ENPEP: variants seen among roughly 807,000 people sequenced by gnomAD.
ENPEP encodes AP-A.
In ENPEP, 103 loss-of-function variants were observed where a neutral mutation model predicts 114.5. That is an observed-to-expected ratio of 0.90 (90% CI 0.77 to 1.06). The LOEUF is 1.06. Among genes scored for constraint, ENPEP ranks in the 50% least tolerant of loss-of-function variants. ENPEP has a pLI of 0.00. For missense variants in ENPEP, 1,196 were observed against 1,161.3 expected (o/e 1.03, Z -0.43); for synonymous variants, 420 against 422.0 (o/e 1.00, Z 0.06).
At chr4:110,538,167 G>A (rs1030811951) in intron 11 of ENPEP, among the ~76,000 whole-genome samples, 4 of 152,158 alleles carry the variant, frequency 2.6e-5, no homozygotes, top group African/African-American at 9.6e-5. Context: ...AAGATTTAAA[G>A]CCAGGCATTG....
At chr4:110,477,443 T>C (rs1211587551) in intron 1 of ENPEP, among the ~76,000 whole-genome samples, 2 of 152,234 alleles carry the variant, frequency 1.3e-5, no homozygotes, top group Non-Finnish European at 2.9e-5. Context: ...GCAATATATA[T>C]GAACTTTTAA....
chr4:110,553,508 G>C (rs1381059018), intron 18 of ENPEP, 53 bp downstream of exon 18: 31 of 1,508,540 alleles, frequency 2.1e-5, no homozygotes, highest in Non-Finnish European at 2.6e-5. Context: ...ACTATCTACT[G>C]GTTCCTTCAT....
intron 11 of ENPEP, among the ~76,000 whole-genome samples, chr4:110,534,793 G>A (rs892444799): frequency 6.6e-6 from 1 of 151,482 alleles, no homozygotes; most frequent in Non-Finnish European, 1.5e-5. Flanking sequence ...ATAGGCATGA[G>A]CCACCGCGCC....
intron 18 of ENPEP, among the ~76,000 whole-genome samples, chr4:110,558,671 GGTT>G (rs1727576105): frequency 1.3e-5 from 2 of 152,054 alleles, no homozygotes; most frequent in Non-Finnish European, 2.9e-5. Context: ...ACATTCCAGG[GGTT>G]TAAGGTTTAT....
rs1375921819 is a variant in ENPEP at position 110,548,272 on chromosome 4, A to G, written c.2097A>G (p.Val699=). 1 of 1,606,120 alleles carries G rather than the reference A, an allele frequency of 6.2e-7. No individual in the cohort carries two copies. The highest frequency in any genetic ancestry group is 1.7e-5 in the Admixed American group (1 of 58,676). The part of the protein sequence containing the change: ...FLPWQRVISA[V]TYIISMFEDD... The stretch of plus-strand genomic sequence containing the variant: ...CATGGCAGAGAGTAATTTCAGCTGT[A>G]ACCTACATCATTAGCATGTTTGAAG... The change falls in exon 14 of 20, where the codon GTA becomes GTG. Residue 699 remains valine (V), a synonymous_variant. Coordinates refer to ENST00000265162, the MANE Select transcript of ENPEP (RefSeq NM_001977.4).
At chr4:110,488,909 AGACAAT>A (rs1290294124) in intron 2 of ENPEP, among the ~76,000 whole-genome samples, 1 of 152,208 alleles carries the variant, frequency 6.6e-6, no homozygotes, top group Non-Finnish European at 1.5e-5. Flanking sequence ...TCTGTGCAAG[AGACAAT>A]GCCATAGACA....
At chr4:110,560,082 T>C (rs1199718753) in intron 19 of ENPEP, among the ~76,000 whole-genome samples, 1 of 152,242 alleles carries the variant, frequency 6.6e-6, no homozygotes, top group Non-Finnish European at 1.5e-5. Flanking sequence ...CTGAGAATGA[T>C]GGTTTCCAGC....
intron 10 of ENPEP, among the ~76,000 whole-genome samples, chr4:110,527,432 G>A (rs1039009886): frequency 6.6e-6 from 1 of 152,096 alleles, no homozygotes; most frequent in African/African-American, 2.4e-5. Flanking sequence ...AGACCAATAT[G>A]AGGTCCCTTC....
chr4:110,559,550 T>C, intron 18 of ENPEP, 97 bp from the exon 19 acceptor site: 1 of 885,680 alleles, frequency 1.1e-6, no homozygotes, highest in Non-Finnish European at 1.8e-6. Flanking sequence ...AAAGTTACTT[T>C]TAAAAACTAT....
intron 17 of ENPEP, among the ~76,000 whole-genome samples, chr4:110,550,139 C>T (rs1727232479): frequency 1.3e-5 from 2 of 152,066 alleles, no homozygotes; most frequent in African/African-American, 4.8e-5. Context: ...ACCCAGGACC[C>T]AGGCTCTTCT....
chr4:110,501,748 T>C (rs1179711241), intron 3 of ENPEP, among the ~76,000 whole-genome samples: 1 of 152,220 alleles, frequency 6.6e-6, no homozygotes, highest in Non-Finnish European at 1.5e-5. Flanking sequence ...GATGAACGTA[T>C]GGAGGCCTGT....
chr4:110,544,925 A>ATGTAGGATC (rs1726997077), intron 13 of ENPEP, among the ~76,000 whole-genome samples: 2 of 152,140 alleles, frequency 1.3e-5, no homozygotes, highest in East Asian at 3.9e-4. Context: ...TGAAATTCAA[A>ATGTAGGATC]ACATATGTAG....
intron 19 of ENPEP, among the ~76,000 whole-genome samples, chr4:110,560,128 C>A (rs1277738675): frequency 1.3e-5 from 2 of 152,162 alleles, no homozygotes; most frequent in Admixed American, 1.3e-4. Flanking sequence ...TGAACTTATT[C>A]TTTTTATGGC....
In ENPEP at chr4:110,559,706, C is replaced by A. The variant is rs775005901; in HGVS notation, c.2702C>A (p.Thr901Asn). Residue 901 changes from threonine (T) to asparagine (N), a missense_variant, in exon 19 of 20, where the codon ACT becomes AAT. By Grantham distance (65) the Thr-to-Asn change is moderately conservative (BLOSUM62 0). Transcript: ENST00000265162. ...RIVTIAEPFN[T>N]ELQLWQMESF... ...GTCACAATAGCAGAGCCATTCAACA[C>A]TGAACTGCAACTGTGGCAGGTATGA... 1 of 1,613,630 alleles carries A rather than the reference C, an allele frequency of 6.2e-7. No homozygotes were observed. Among genetic ancestry groups the A allele is most frequent in the South Asian group, 1.1e-5 (1 of 91,066 alleles).
At chr4:110,488,970 C>T (rs558996739) in intron 2 of ENPEP, among the ~76,000 whole-genome samples, 4 of 152,020 alleles carry the variant, frequency 2.6e-5, no homozygotes, top group Non-Finnish European at 5.9e-5. Flanking sequence ...ATCCCTGAGT[C>T]GTGACAGATT....
intron 11 of ENPEP, among the ~76,000 whole-genome samples, chr4:110,539,359 A>C (rs1432417166): frequency 6.6e-6 from 1 of 152,182 alleles, no homozygotes. Context: ...TGAATGGGTA[A>C]TTTGTTGAAA....
At chr4:110,517,535 T>C (rs1267356878) in intron 8 of ENPEP, among the ~76,000 whole-genome samples, 1 of 152,204 alleles carries the variant, frequency 6.6e-6, no homozygotes, top group Non-Finnish European at 1.5e-5. Flanking sequence ...TTGACTTTGA[T>C]AGAGAAGTAC....
chr4:110,560,803 G>A (rs1449968714), intron 19 of ENPEP, among the ~76,000 whole-genome samples: 1 of 152,194 alleles, frequency 6.6e-6, no homozygotes, highest in Non-Finnish European at 1.5e-5. Flanking sequence ...TGAACAGGTA[G>A]AGATTGTATG....
chr4:110,555,827 A>AT (rs1160984366), intron 18 of ENPEP, among the ~76,000 whole-genome samples: 3 of 152,060 alleles, frequency 2.0e-5, no homozygotes, highest in East Asian at 3.9e-4. Flanking sequence ...ATATTTGTAA[A>AT]TTTTTTTCAA....
Sources: gnomAD v4.1 joint callset for allele counts (sites outside exome capture counted in the v4.1 genomes callset) on GRCh38, gnomAD v4.1.1 for gene constraint, MANE v1.5 for transcripts, NCBI Gene and HGNC (gene_info 2026-07-23, HGNC 2026-07-21) for gene names.